The following WNT10B variants were observed in gnomAD, a reference collection of about 807,000 sequenced individuals.
WNT10B encodes the protein Wnt family member 10B.
Under a neutral mutation model 32.7 loss-of-function variants are expected in WNT10B, and 26 were observed. That is an observed-to-expected ratio of 0.79 (90% confidence interval 0.58 to 1.10). The LOEUF (loss-of-function observed/expected upper bound fraction) is 1.10. Among genes scored for constraint, WNT10B ranks in the 50% least tolerant of loss-of-function variants. The pLI, the probability that WNT10B is intolerant of heterozygous loss-of-function variation, is 0.00. For missense variants in WNT10B, 474 were observed against 532.5 expected (o/e 0.89, Z 1.08); for synonymous variants, 204 against 220.4 (o/e 0.93, Z 0.66).
chr12:48,969,669 G>T (rs1355517266), intron 3 of WNT10B, among the ~76,000 whole-genome samples: 1 of 152,112 alleles, frequency 6.6e-6, no homozygotes, highest in African/African-American at 2.4e-5. Flanking sequence ...TTAAACGGTT[G>T]GGGGCGTCAC....
At chr12:48,969,238 C>A (rs1279652539) in intron 3 of WNT10B, 1 of 429,436 alleles carries the variant, frequency 2.3e-6, no homozygotes, top group African/African-American at 2.1e-5. Context: ...AGAGACCAGG[C>A]CTCTGCTACC....
rs1359048925 is a variant in WNT10B at position 48,966,294 on chromosome 12, A to G, written c.971T>C (p.Met324Thr). Residue 324 changes from methionine to threonine, a missense_variant, in exon 5 of 5, where the codon ATG becomes ACG. By Grantham distance (81) the Met-to-Thr change is moderately conservative. Transcript: ENST00000301061. ...CCGGCCCCTTGTCCCTGGGGAGCCC[A>G]TAGTGGGGTCTCGCTCACAGAAGTC... ...SPDFCERDPT[M>T]GSPGTRGRAC... is the part of the protein sequence containing the mutation. The G allele has an allele frequency of 6.2e-7, 1 of 1,614,200 alleles. No homozygotes were observed. Among genetic ancestry groups the G allele is most frequent in the Non-Finnish European group, 8.5e-7 (1 of 1,180,024 alleles).
chr12:48,969,553 A>G (rs1940807291), intron 3 of WNT10B, among the ~76,000 whole-genome samples: 3 of 152,066 alleles, frequency 2.0e-5, no homozygotes, highest in Non-Finnish European at 4.4e-5. Flanking sequence ...TGGAGCCCCC[A>G]CAGCACAGAG....
At position 48,971,633 on chromosome 12, in the gene WNT10B, G is replaced by A; in HGVS notation, c.-219C>T. 6.5e-6 allele frequency: 1 copy of A among 152,778 alleles called. No individual in the cohort carries two copies. The allele number at this position is 152,778 out of a possible 1,614,324, so 9.5% of individuals were successfully genotyped here. ...CCCAGCGCCGCCGCGGCCGCCGGGA[G>A]GAAGGGAGGGAGGAAGGGAGGGAGT... On this transcript the variant is annotated 5_prime_UTR_variant, in exon 1 of 5. Coordinates refer to ENST00000301061, the MANE Select transcript of WNT10B (RefSeq NM_003394.4).
rs2137615618 is a variant in WNT10B, at chr12:48,970,751, TAAAGAAG to T, written c.-40-189_-40-183del. The T allele has an allele frequency of 1.6e-6, 1 of 608,552 alleles. No individual in the cohort carries two copies. Among genetic ancestry groups the T allele is most frequent in the African/African-American group, 1.8e-5 (1 of 54,054 alleles). The allele number at this position is 608,552 out of a possible 1,614,324, so 37.7% of individuals were successfully genotyped here. On this transcript the variant is annotated intron_variant, in intron 1 of 4. Transcript: ENST00000301061. The surrounding 1 kb of genome is among the most constrained non-coding windows in gnomAD (Gnocchi z 5.0). ...CAGAGTCCCTGAGGCTTGGAGGTCTTAAAGAAGAAGAGTCAAGGCGTTGTCCCAGCTC... is the reference window on the plus strand; with the variant it reads ...CAGAGTCCCTGAGGCTTGGAGGTCTTAAGAGTCAAGGCGTTGTCCCAGCTC...
At chr12:48,969,464 C>T (rs1940805511) in intron 3 of WNT10B, among the ~76,000 whole-genome samples, 1 of 152,140 alleles carries the variant, frequency 6.6e-6, no homozygotes, top group African/African-American at 2.4e-5. Flanking sequence ...GAGAGGCAGC[C>T]ATGCCTCCCA....
Position 48,970,116 on chromosome 12 carries a change from G to C in WNT10B, c.310C>G (p.Pro104Ala), listed in dbSNP as rs2137614815. 6.5e-7 allele frequency: 1 copy of C among 1,527,596 alleles called. No individual in the cohort carries two copies. The highest frequency in any genetic ancestry group is 8.8e-7 in the Non-Finnish European group (1 of 1,140,984). 94.6% of individuals were successfully genotyped at this position (1,527,596 alleles called of 1,614,324 possible). Residue 104 changes from proline to alanine, a missense_variant, in exon 3 of 5, where the codon CCG (proline) becomes GCG (alanine). Coordinates refer to ENST00000301061, the MANE Select transcript of WNT10B (RefSeq NM_003394.4). The surrounding 1 kb of genome is among the most constrained non-coding windows in gnomAD (Gnocchi z 5.0). The stretch of plus-strand genomic sequence containing the variant: ...CGCTTGAGGATGGCGCTGTGGTGCG[G>C]CAGGCGGCCGCCGCCCTCAAGCGCG... Reference protein sequence around the residue: ...CSALEGGGRLPHHSAILKRGF... With the variant: ...CSALEGGGRLAHHSAILKRGF...
Position 48,970,922 on chromosome 12 carries a change from G to T in WNT10B, c.-40-353C>A. The T allele has an allele frequency of 3.1e-6, 1 of 317,728 alleles. No homozygotes were observed. Among genetic ancestry groups the T allele is most frequent in the Non-Finnish European group, 6.0e-6 (1 of 166,932 alleles). The allele number at this position is 317,728 out of a possible 1,614,324, so 19.7% of individuals were successfully genotyped here. A position where few individuals can be genotyped will look rare whatever the true frequency, so the allele number is the denominator to read the frequency against. On this transcript the variant is annotated intron_variant, in intron 1 of 4. Coordinates refer to ENST00000301061, the MANE Select transcript of WNT10B (RefSeq NM_003394.4). The surrounding 1 kb of genome is among the most constrained non-coding windows in gnomAD (Gnocchi z 5.0). ...ACCTCGCCTACTGCTCCCTTTTCCA[G>T]GGCCCCACGACTAGCTTCCCCGCCC...
At position 48,970,923 on chromosome 12, in the gene WNT10B, G is replaced by A. The variant is rs1940842066; in HGVS notation, c.-40-354C>T. 4 of 316,822 alleles carry A rather than the reference G, an allele frequency of 1.3e-5. No individual in the cohort carries two copies. Among genetic ancestry groups the A allele is most frequent in the Admixed American group, 4.6e-5 (1 of 21,670 alleles). 19.6% of individuals were successfully genotyped at this position (316,822 alleles called of 1,614,324 possible). A position where few individuals can be genotyped will look rare whatever the true frequency, so the allele number is the denominator to read the frequency against. On this transcript the variant is annotated intron_variant, in intron 1 of 4. Transcript: ENST00000301061. This position sits in a 1 kb window ranked among gnomAD's most constrained non-coding sequence, Gnocchi z 5.0. ...CCTCGCCTACTGCTCCCTTTTCCAG[G>A]GCCCCACGACTAGCTTCCCCGCCCT...
At chr12:48,968,967 C>A in intron 3 of WNT10B, 1 of 420,730 alleles carries the variant, frequency 2.4e-6, no homozygotes, top group Non-Finnish European at 4.9e-6. Flanking sequence ...TGCTATTACC[C>A]TATAAAACAC....
rs1940841159 is a variant in WNT10B at position 48,970,842 on chromosome 12, G to A, written c.-40-273C>T. On this transcript the variant is annotated intron_variant, in intron 1 of 4. Transcript: ENST00000301061. The surrounding 1 kb of genome is among the most constrained non-coding windows in gnomAD (Gnocchi z 5.0). ...AATCAGACACAACGCCCGGCACACA[G>A]ACACACACTCACTTGCAAACTCAGA... 2 of 514,282 alleles carry A rather than the reference G, an allele frequency of 3.9e-6. No individual in the cohort carries two copies. Among genetic ancestry groups the A allele is most frequent in the African/African-American group, 1.9e-5 (1 of 52,324 alleles). The allele number at this position is 514,282 out of a possible 1,614,324, so 31.9% of individuals were successfully genotyped here.
chr12:48,969,481 G>GCCA (rs1940805890), intron 3 of WNT10B, among the ~76,000 whole-genome samples: 1 of 152,152 alleles, frequency 6.6e-6, no homozygotes, highest in East Asian at 1.9e-4. Context: ...CCCAGACCAG[G>GCCA]CCAGCAGTGA....
At position 48,966,324 on chromosome 12, in the gene WNT10B, G is replaced by A; in HGVS notation, c.941C>T (p.Ser314Phe). The change falls in exon 5 of 5, where the codon TCT (serine) becomes TTT (phenylalanine). Residue 314 changes from serine (S) to phenylalanine (F), a missense_variant. Ser to Phe is a radical substitution (Grantham distance 155, BLOSUM62 -2). Transcript: ENST00000301061. ...GGGGTCTCGCTCACAGAAGTCAGGA[G>A]ACTTCTCAAAGTAGACCAGCTCTCC... ...LSGELVYFEK[S>F]PDFCERDPTM... 1 of 1,614,238 alleles carries A rather than the reference G, an allele frequency of 6.2e-7. No individual in the cohort carries two copies.
In WNT10B at chr12:48,968,137, G is replaced by A; in HGVS notation, c.520C>T (p.Pro174Ser). ...GGGCCAGGGCTGGGCAGAGAGTGGG[G>A]GAAACTCTTGCCTCGGGACAGTGCC... ...LQALSRGKSFPHSLPSPGPGS... is the reference protein window; with the variant it reads ...LQALSRGKSFSHSLPSPGPGS... Residue 174 changes from proline (P) to serine (S), a missense_variant, in exon 4 of 5, where the codon CCC becomes TCC. Physicochemically the swap from Pro to Ser is moderately conservative, Grantham distance 74 (BLOSUM62 -1). Transcript: ENST00000301061. 6.2e-7 allele frequency: 1 copy of A among 1,614,260 alleles called. No homozygotes were observed. The highest frequency in any genetic ancestry group is 1.7e-5 in the Admixed American group (1 of 60,034).
At chr12:48,968,402 C>A in intron 3 of WNT10B, 83 bp from the exon 4 acceptor site, 2 of 1,572,918 alleles carry the variant, frequency 1.3e-6, no homozygotes, top group Non-Finnish European at 1.7e-6. Context: ...AAACAGCCCC[C>A]CTCCAACTCC....
In WNT10B at chr12:48,968,258, G is replaced by T; in HGVS notation, c.399C>A (p.Ala133=). The change falls in exon 4 of 5, where the codon GCC becomes GCA. Residue 133 remains alanine (A), a synonymous_variant. Transcript: ENST00000301061. The part of the protein sequence containing the change: ...MLAAGVMHAV[A]TACSLGKLVS... ...CCAGCTTGCCCAGGCTGCAGGCCGT[G>T]GCTACTGCGTGCATGACCCCAGCAG... 1 of 1,608,784 alleles carries T rather than the reference G, an allele frequency of 6.2e-7. No individual in the cohort carries two copies. Among genetic ancestry groups the T allele is most frequent in the Non-Finnish European group, 8.5e-7 (1 of 1,180,020 alleles).
At chr12:48,969,423 C>A (rs938711464) in intron 3 of WNT10B, among the ~76,000 whole-genome samples, 11 of 152,322 alleles carry the variant, frequency 7.2e-5, no homozygotes, top group African/African-American at 2.6e-4. Flanking sequence ...GGTCTTTACA[C>A]CTCAGGGAGT....
In WNT10B at chr12:48,970,667, C is replaced by T; in HGVS notation, c.-40-98G>A. The stretch of plus-strand genomic sequence containing the variant: ...TCGGGCTCCTAACCCACCGGTGCCA[C>T]CCTACTGACCCTTCTCATTCCTCCT... On this transcript the variant is annotated intron_variant, in intron 1 of 4. Transcript: ENST00000301061. This position sits in a 1 kb window ranked among gnomAD's most constrained non-coding sequence, Gnocchi z 5.0. The T allele has an allele frequency of 1.2e-6, 1 of 815,120 alleles. No individual in the cohort carries two copies. The highest frequency in any genetic ancestry group is 2.0e-6 in the Non-Finnish European group (1 of 506,240). 50.5% of individuals were successfully genotyped at this position (815,120 alleles called of 1,614,324 possible).
At chr12:48,968,354 G>A (rs1474580579) in intron 3 of WNT10B, 35 bp from the exon 4 acceptor site, 1 of 1,599,646 alleles carries the variant, frequency 6.3e-7, no homozygotes, top group African/African-American at 1.3e-5. Flanking sequence ...TGGAGGTAAG[G>A]TTGACAGGCA....
Sources: allele counts gnomAD v4.1 joint callset (sites outside exome capture counted in the v4.1 genomes callset), GRCh38; gene constraint gnomAD v4.1.1; non-coding constraint Gnocchi (gnomAD v3.1); transcripts MANE v1.5; gene names NCBI Gene and HGNC (gene_info 2026-07-23, HGNC 2026-07-21).